SMARCE1: variants seen among roughly 807,000 people sequenced by gnomAD.
SMARCE1 encodes SWI/SNF-related matrix-associated actin-dependent regulator of chromatin subfamily E member 1.
SMARCE1 carries 13 observed loss-of-function variants against 54.9 expected under a neutral mutation model. The ratio of observed to expected loss-of-function variants is 0.24; its 90% CI spans 0.15 to 0.38. SMARCE1 has a LOEUF of 0.38. Among genes scored for constraint, SMARCE1 ranks in the 10% least tolerant of loss-of-function variants. The probability of loss-of-function intolerance (pLI) is 1.00; values close to 1 mark genes in which losing one functional copy is unlikely to be tolerated. For missense variants in SMARCE1, 295 were observed against 523.8 expected (o/e 0.56, Z 4.26); for synonymous variants, 151 against 175.3 (o/e 0.86, Z 1.10).
Position 40,628,809 on chromosome 17 carries a change from T to C in SMARCE1, c.1212A>G (p.Ile404Met), listed in dbSNP as rs1060501396. The C allele has an allele frequency of 6.2e-7, 1 of 1,613,440 alleles. No homozygotes were observed. The highest frequency in any genetic ancestry group is 1.7e-5 in the Admixed American group (1 of 60,010). ...ATVEEPPTDPIPEDEKKE is the reference protein window; with the variant it reads ...ATVEEPPTDPMPEDEKKE ...CTTATTCTTTTTTCTCATCTTCTGG[T>C]ATGGGATCTGTTGGTGGCTCCTCCA... Residue 404 changes from isoleucine to methionine, a missense_variant, in exon 11 of 11, where the codon ATA (isoleucine) becomes ATG (methionine). Around this residue, in one of 5 missense-constraint regions of SMARCE1, gnomAD observed 147 missense variants for 161.4 expected, o/e 0.91. Transcript: ENST00000348513.
At chr17:40,636,602 A>G in intron 5 of SMARCE1, 76 bp from the exon 6 acceptor site, 4 of 1,186,454 alleles carry the variant, frequency 3.4e-6, no homozygotes, top group Non-Finnish European at 4.9e-6. Context: ...TTTAATGTGG[A>G]AACTTTTCAA....
At chr17:40,630,502 C>T (rs1183750134) in intron 10 of SMARCE1, 1 of 627,082 alleles carries the variant, frequency 1.6e-6, no homozygotes, top group Non-Finnish European at 2.9e-6. Context: ...ACACCAAAGA[C>T]AATTAATCTT....
At chr17:40,645,387 A>G (rs2037245824) in intron 3 of SMARCE1, 189 bp downstream of exon 3, 5 of 483,188 alleles carry the variant, frequency 1.0e-5, no homozygotes, top group Non-Finnish European at 1.8e-5. Flanking sequence ...GTTTCTTTAA[A>G]TGTTGGGGTT....
chr17:40,629,273 C>T, intron 10 of SMARCE1: 1 of 409,366 alleles, frequency 2.4e-6, no homozygotes, highest in South Asian at 1.1e-4. Flanking sequence ...TGTATAAAGA[C>T]TGTTTAAAAA....
Position 40,642,769 on chromosome 17 carries a change from T to C in SMARCE1, c.52-210A>G. On this transcript the variant is annotated intron_variant, in intron 3 of 10. Transcript: ENST00000348513. The surrounding 1 kb of genome is among the most constrained non-coding windows in gnomAD (Gnocchi z 4.6). ...TGTCTGCAGTGTCTTTTGGTTGTTT[T>C]TCTCTTTCTTTTTTGCAGGGGCTGG... 1 of 537,310 alleles carries C rather than the reference T, an allele frequency of 1.9e-6. No homozygotes were observed. Among genetic ancestry groups the C allele is most frequent in the East Asian group, 3.1e-5 (1 of 31,994 alleles). The allele number at this position is 537,310 out of a possible 1,614,324, so 33.3% of individuals were successfully genotyped here.
intron 9 of SMARCE1, 60 bp from the exon 10 acceptor site, chr17:40,630,984 T>C: frequency 1.4e-6 from 2 of 1,427,478 alleles, no homozygotes; most frequent in Non-Finnish European, 9.6e-7. Flanking sequence ...GAGCCAGATA[T>C]ATTCTTTCAA....
chr17:40,640,135 G>C (rs950010361), intron 4 of SMARCE1: 1 of 152,080 alleles, frequency 6.6e-6, no homozygotes, highest in African/African-American at 2.4e-5. Flanking sequence ...GTTTTTTGTT[G>C]TTGTTTCTTT....
At chr17:40,630,140 G>A (rs762100101) in intron 10 of SMARCE1, 5 of 816,840 alleles carry the variant, frequency 6.1e-6, no homozygotes, top group Non-Finnish European at 1.0e-5. Flanking sequence ...AAAATTACAA[G>A]TGACGATCAA....
rs888124800 is a variant in SMARCE1, at chr17:40,642,708, T to C, written c.52-149A>G. ...TGTTGTAATTGTTCTTTTTTTCCAC[T>C]GAGGAAATTAAATATTTTTCTTTCA... On this transcript the variant is annotated intron_variant, in intron 3 of 10. Transcript: ENST00000348513. The surrounding 1 kb of genome is among the most constrained non-coding windows in gnomAD (Gnocchi z 4.6). 22 of 580,082 alleles carry C rather than the reference T, an allele frequency of 3.8e-5. No individual in the cohort carries two copies. Among genetic ancestry groups the C allele is most frequent in the African/African-American group, 2.3e-4 (12 of 52,596 alleles). The allele number at this position is 580,082 out of a possible 1,614,324, so 35.9% of individuals were successfully genotyped here.
At chr17:40,640,258 G>T (rs1321659661) in intron 4 of SMARCE1, among the ~76,000 whole-genome samples, 1 of 152,158 alleles carries the variant, frequency 6.6e-6, no homozygotes, top group Non-Finnish European at 1.5e-5. Context: ...TTGTCTCAAT[G>T]TGTTTTCACA....
At position 40,641,375 on chromosome 17, in the gene SMARCE1, A is replaced by G. The variant is rs114440108; in HGVS notation, c.156+1080T>C. On this transcript the variant is annotated intron_variant, in intron 4 of 10. Coordinates refer to ENST00000348513, the MANE Select transcript of SMARCE1 (RefSeq NM_003079.5). Reference sequence around the variant, plus strand: ...AAAACTTGATATGCTTATGAAGTACATATTATGCAGAAACAATGAAAAATT... The same window carrying G: ...AAAACTTGATATGCTTATGAAGTACGTATTATGCAGAAACAATGAAAAATT... The G allele has an allele frequency of 2.8e-3, 424 of 152,370 alleles. 2 individuals are homozygous for G. Among genetic ancestry groups the G allele is most frequent in the African/African-American group, 9.5e-3 (395 of 41,592 alleles). 9.4% of individuals were successfully genotyped at this position (152,370 alleles called of 1,614,324 possible).
At chr17:40,635,878 A>G in intron 7 of SMARCE1, 53 bp downstream of exon 7, 3 of 1,299,714 alleles carry the variant, frequency 2.3e-6, no homozygotes, top group Non-Finnish European at 3.1e-6. Context: ...GAGATTTCTC[A>G]TATCTTAACT....
rs1567843653 is a variant in SMARCE1, at chr17:40,625,970, T to TG, written c.*2814dup. 1 of 152,254 alleles carries TG rather than the reference T, an allele frequency of 6.6e-6. No homozygotes were observed. Among genetic ancestry groups the TG allele is most frequent in the Non-Finnish European group, 1.5e-5 (1 of 68,084 alleles). The allele number at this position is 152,254 out of a possible 1,614,324, so 9.4% of individuals were successfully genotyped here. Reference sequence around the variant, plus strand: ...GGGGCTGGGCGCGGTGGCTCACGCCTGTAATCCCAGCACTTTGGGAGGCAG... The same window carrying TG: ...GGGGCTGGGCGCGGTGGCTCACGCCTGGTAATCCCAGCACTTTGGGAGGCAG... On this transcript the variant is annotated 3_prime_UTR_variant, in exon 11 of 11. Coordinates refer to ENST00000348513, the MANE Select transcript of SMARCE1 (RefSeq NM_003079.5).
rs778796615 is a variant in SMARCE1, at chr17:40,631,656, C to A, written c.752G>T (p.Arg251Leu). Residue 251 changes from arginine (R) to leucine (L), a missense_variant, in exon 9 of 11, where the codon CGA (arginine) becomes CTA (leucine). Physicochemically the swap from Arg to Leu is moderately radical, Grantham distance 102. This residue lies in a region of SMARCE1 where 101 missense variants were observed against 183.1 expected (regional missense o/e 0.55). Coordinates refer to ENST00000348513, the MANE Select transcript of SMARCE1 (RefSeq NM_003079.5). ...GAATTTCCTCTTCTTCTCCTGGTGTCGTTCCTCTATTTGAAGAAGTTCAGC... is the reference window on the plus strand; with the variant it reads ...GAATTTCCTCTTCTTCTCCTGGTGTAGTTCCTCTATTTGAAGAAGTTCAGC... Reference protein sequence around the residue: ...LEAELLQIEERHQEKKRKFLE... With the variant: ...LEAELLQIEELHQEKKRKFLE... The A allele has an allele frequency of 6.2e-7, 1 of 1,611,278 alleles. No homozygotes were observed.
intron 4 of SMARCE1, among the ~76,000 whole-genome samples, chr17:40,639,197 T>C (rs1052065062): frequency 6.6e-6 from 1 of 152,154 alleles, no homozygotes; most frequent in African/African-American, 2.4e-5. Flanking sequence ...GAAACCTGTA[T>C]CAGGGTCTAT....
In SMARCE1 at chr17:40,628,919, CCTT is replaced by C; in HGVS notation, c.1099_1101del (p.Lys367del). ...CTGTCGACCCCCTCCTGCCCACTCT[CCTT>C]GTCCTCAGGAGTAGACGTGCCTTCT... On this transcript the variant is annotated inframe_deletion, in exon 11 of 11. Coordinates refer to ENST00000348513, the MANE Select transcript of SMARCE1 (RefSeq NM_003079.5). 6.2e-7 allele frequency: 1 copy of C among 1,613,824 alleles called. No homozygotes were observed. The highest frequency in any genetic ancestry group is 8.5e-7 in the Non-Finnish European group (1 of 1,179,812).
chr17:40,641,412 A>T (rs1164535502), intron 4 of SMARCE1: 1 of 152,222 alleles, frequency 6.6e-6, no homozygotes, highest in African/African-American at 2.4e-5. Context: ...AGACAAACAA[A>T]ACCTATCAAG....
At chr17:40,645,036 A>C (rs2037240294) in intron 3 of SMARCE1, 1 of 153,950 alleles carries the variant, frequency 6.5e-6, no homozygotes, top group Non-Finnish European at 1.4e-5. Flanking sequence ...AAACCAATAA[A>C]ATATAATTTA....
chr17:40,637,764 G>A (rs567539108), intron 4 of SMARCE1, 192 bp from the exon 5 acceptor site: 62 of 569,400 alleles, frequency 1.1e-4, no homozygotes, highest in African/African-American at 9.0e-4. Flanking sequence ...ATTTTTAAAT[G>A]TTTTACTTAG....
Sources: allele counts gnomAD v4.1 joint callset (sites outside exome capture counted in the v4.1 genomes callset), GRCh38; gene constraint gnomAD v4.1.1; regional missense constraint gnomAD v4.1.1; non-coding constraint Gnocchi (gnomAD v3.1); transcripts MANE v1.5; gene names NCBI Gene and HGNC (gene_info 2026-07-23, HGNC 2026-07-21).